Variants in HNMT observed in about 807,000 individuals in gnomAD.
The protein encoded by HNMT is histamine N-methyltransferase.
A neutral mutation model predicts 32.1 loss-of-function variants in HNMT; 30 were observed. That is an observed-to-expected ratio of 0.93 (90% CI 0.70 to 1.27). The LOEUF is 1.27. Ranked by LOEUF, HNMT falls within the 50% of genes most tolerant of loss-of-function variation. The probability of loss-of-function intolerance (pLI) is 0.00; values close to 1 mark genes in which losing one functional copy is unlikely to be tolerated. For missense variants in HNMT, 327 were observed against 346.0 expected (o/e 0.95, Z 0.43); for synonymous variants, 125 against 119.0 (o/e 1.05, Z -0.33).
At chr2:137,978,669 G>T (rs959006793) in intron 2 of HNMT, among the ~76,000 whole-genome samples, 2 of 137,180 alleles carry the variant, frequency 1.5e-5, no homozygotes, top group South Asian at 2.3e-4. Flanking sequence ...CATATGATTA[G>T]ATAATATAGT....
chr2:137,985,265 G>A (rs777644662), intron 2 of HNMT, among the ~76,000 whole-genome samples: 2 of 152,006 alleles, frequency 1.3e-5, no homozygotes, highest in African/African-American at 4.8e-5. Context: ...TGACTGCCTT[G>A]GGATCTCAAA....
intron 2 of HNMT, among the ~76,000 whole-genome samples, chr2:137,971,024 A>C (rs1680120442): frequency 6.6e-6 from 1 of 151,926 alleles, no homozygotes; most frequent in Non-Finnish European, 1.5e-5. Context: ...TTCATTGAGA[A>C]AGTCTCACCA....
chr2:138,004,472 T>G (rs1444737663), intron 4 of HNMT, among the ~76,000 whole-genome samples: 2 of 151,994 alleles, frequency 1.3e-5, no homozygotes, highest in Non-Finnish European at 1.5e-5. Flanking sequence ...GGGAAAAATT[T>G]CCCACGTCAA....
At chr2:138,011,195 T>C (rs1029421196) in intron 5 of HNMT, among the ~76,000 whole-genome samples, 1 of 152,032 alleles carries the variant, frequency 6.6e-6, no homozygotes, top group Admixed American at 6.6e-5. Context: ...GGTTCTTTTT[T>C]CTCTGCCAGG....
intron 2 of HNMT, chr2:137,981,188 T>C: frequency 6.2e-7 from 1 of 1,609,766 alleles, no homozygotes; most frequent in East Asian, 2.2e-5. Flanking sequence ...GGCCACAGTC[T>C]TTAATCCCCT....
chr2:137,965,180 A>G (rs939315171), intron 1 of HNMT, among the ~76,000 whole-genome samples: 2 of 152,086 alleles, frequency 1.3e-5, no homozygotes, highest in Non-Finnish European at 2.9e-5. Flanking sequence ...GTGTTCCTTA[A>G]AAAAAGAACC....
In HNMT at chr2:137,969,063, A is replaced by G. The variant is rs149637735; in HGVS notation, c.138-1102A>G. On this transcript the variant is annotated intron_variant, in intron 1 of 5. Coordinates refer to ENST00000280097, the MANE Select transcript of HNMT (RefSeq NM_006895.3). ...CTTCTTTTACAACTGCCATTACTAA[A>G]GACACTCGTATTGCCAAATTCGATG... is the stretch of plus-strand genomic sequence containing the variant. Among the ~76,000 whole-genome samples the G allele has an allele frequency of 3.0e-3, 458 of 152,292 alleles. 12 individuals carry two copies. The highest frequency in any genetic ancestry group is 0.027 in the Admixed American group (412 of 15,296).
At chr2:137,983,731 G>A (rs1423723069) in intron 2 of HNMT, among the ~76,000 whole-genome samples, 1 of 152,172 alleles carries the variant, frequency 6.6e-6, no homozygotes, top group Admixed American at 6.5e-5. Context: ...GAAACTGTGG[G>A]AAGGTAAATA....
intron 3 of HNMT, 93 bp from the exon 4 acceptor site, chr2:138,001,971 A>G: frequency 2.1e-6 from 2 of 947,934 alleles, no homozygotes; most frequent in Non-Finnish European, 3.0e-6. Flanking sequence ...ATCTGTTTGT[A>G]TATAACATTG....
chr2:138,009,485 G>A (rs2104987412), intron 5 of HNMT, among the ~76,000 whole-genome samples: 1 of 152,114 alleles, frequency 6.6e-6, no homozygotes, highest in South Asian at 2.1e-4. Context: ...ATTTCCCTGA[G>A]ATAAATTGTT....
intron 4 of HNMT, among the ~76,000 whole-genome samples, chr2:138,003,580 T>C (rs1681246388): frequency 6.6e-6 from 1 of 152,074 alleles, no homozygotes. Context: ...GATGCCAAGA[T>C]ATTTCTCTAC....
rs1681659185 is a variant in HNMT at position 138,016,229 on chromosome 2, T to C, written c.*2099T>C. The C allele has an allele frequency of 6.6e-6, 1 of 152,180 alleles. No individual in the cohort carries two copies. The highest frequency in any genetic ancestry group is 2.1e-4 in the South Asian group (1 of 4,836). 9.4% of individuals were successfully genotyped at this position (152,180 alleles called of 1,614,324 possible). ...AACATGGTGCCTTGCATATGGTAAA[T>C]GCTAAGTAAAGCGGGATCAATGAAT... On this transcript the variant is annotated 3_prime_UTR_variant, in exon 6 of 6. Transcript: ENST00000280097.
At chr2:137,997,607 C>G (rs888615830) in intron 2 of HNMT, among the ~76,000 whole-genome samples, 7 of 152,190 alleles carry the variant, frequency 4.6e-5, no homozygotes, top group Admixed American at 4.6e-4. Context: ...TTGTGGAAGA[C>G]AGTATGGAGA....
intron 1 of HNMT, 102 bp downstream of exon 1, chr2:137,964,730 A>C (rs370746627): frequency 2.0e-5 from 23 of 1,167,128 alleles, no homozygotes; most frequent in Admixed American, 1.5e-4. Context: ...CACAGGGATA[A>C]GGGCGAATTA....
At chr2:138,004,904 C>T (rs1001634087) in intron 4 of HNMT, among the ~76,000 whole-genome samples, 1 of 152,032 alleles carries the variant, frequency 6.6e-6, no homozygotes, top group African/African-American at 2.4e-5. Context: ...AATTTAAAAC[C>T]ATTTGACTCT....
In HNMT at chr2:138,003,044, T is replaced by C. The variant is rs371590457; in HGVS notation, c.429+850T>C. Among the ~76,000 whole-genome samples, 21 of 128,386 alleles carry C rather than the reference T, an allele frequency of 1.6e-4. No individual in the cohort carries two copies. In the East Asian group the frequency reaches 3.4e-3, roughly 21 times the overall value. The allele number at this position is 128,386 out of a possible 152,430, so 84.2% of individuals were successfully genotyped here. ...GTGGGAATTGAACAATGAGAACACATGGACACAGGAAAGGGAACATCACAC... is the reference window on the plus strand; with the variant it reads ...GTGGGAATTGAACAATGAGAACACACGGACACAGGAAAGGGAACATCACAC... On this transcript the variant is annotated intron_variant, in intron 4 of 5. Transcript: ENST00000280097.
At position 137,973,782 on chromosome 2, in the gene HNMT, G is replaced by C. The variant is rs993259712; in HGVS notation, c.190+3565G>C. 2.6e-5 allele frequency among the ~76,000 whole-genome samples: 4 copies of C among 151,996 alleles called. No individual in the cohort carries two copies. In the East Asian group the frequency reaches 5.8e-4, roughly 22 times the overall value. On this transcript the variant is annotated intron_variant, in intron 2 of 5. Coordinates refer to ENST00000280097, the MANE Select transcript of HNMT (RefSeq NM_006895.3). ...ACTTAATTCTCATGGTTTTTTTTGG[G>C]GGGGGGTGGTCTATTTGATTTTTTT...
At chr2:137,970,764 C>T (rs928320452) in intron 2 of HNMT, among the ~76,000 whole-genome samples, 5 of 151,584 alleles carry the variant, frequency 3.3e-5, no homozygotes, top group Admixed American at 1.3e-4. Context: ...ATTAAAAATA[C>T]AAAAAATTAG....
At chr2:137,983,697 A>T (rs1680569808) in intron 2 of HNMT, among the ~76,000 whole-genome samples, 1 of 152,198 alleles carries the variant, frequency 6.6e-6, no homozygotes, top group Admixed American at 6.5e-5. Context: ...ACAAAGGAAA[A>T]TTATTTTAGG....
Sources: gnomAD v4.1 joint callset for allele counts (sites outside exome capture counted in the v4.1 genomes callset) on GRCh38, gnomAD v4.1.1 for gene constraint, MANE v1.5 for transcripts, NCBI Gene and HGNC (gene_info 2026-07-23, HGNC 2026-07-21) for gene names.